PARVB: variants seen among roughly 807,000 people sequenced by gnomAD.
PARVB encodes the protein beta-parvin.
A neutral mutation model predicts 47.0 loss-of-function variants in PARVB; 46 were observed. The observed-to-expected ratio is 0.98, with a 90% confidence interval of 0.77 to 1.25. PARVB has a LOEUF of 1.25. Among genes scored for constraint, PARVB ranks in the 50% most tolerant of loss-of-function variants. PARVB has a pLI of 0.00. For missense variants in PARVB, 473 were observed against 471.6 expected (o/e 1.00, Z -0.03); for synonymous variants, 196 against 196.3 (o/e 1.00, Z 0.01).
At chr22:44,163,729 C>T (rs2054101388) in intron 11 of PARVB, 129 bp from the exon 12 acceptor site, 1 of 722,918 alleles carries the variant, frequency 1.4e-6, no homozygotes, top group Non-Finnish European at 2.2e-6. Flanking sequence ...GCCCCGGGCT[C>T]ACTGGGTCCT....
At chr22:44,000,034 A>C (rs1344450777) in intron 2 of PARVB, among the ~76,000 whole-genome samples, 1 of 151,990 alleles carries the variant, frequency 6.6e-6, no homozygotes, top group African/African-American at 2.4e-5. Flanking sequence ...GTGGACTAGC[A>C]GTGAGCCCAG....
At chr22:44,040,356 C>T (rs1296871940) in intron 1 of PARVB, among the ~76,000 whole-genome samples, 1 of 152,110 alleles carries the variant, frequency 6.6e-6, no homozygotes, top group Non-Finnish European at 1.5e-5. Context: ...TGTCTATATT[C>T]CAATACCTGG....
chr22:44,129,545 G>T (rs2053265065), intron 4 of PARVB, among the ~76,000 whole-genome samples: 1 of 152,172 alleles, frequency 6.6e-6, no homozygotes, highest in Non-Finnish European at 1.5e-5. Flanking sequence ...ACCCAGTTCT[G>T]TATGATCCTA....
At position 44,002,233 on chromosome 22, in the gene PARVB, G is replaced by A. The variant is rs576646160; in HGVS notation, c.211+2560G>A. 5.9e-5 allele frequency among the ~76,000 whole-genome samples: 9 copies of A among 152,322 alleles called. No individual in the cohort carries two copies. The South Asian group carries it at 6.2e-4, about 11-fold the overall frequency. Reference sequence around the variant, plus strand: ...GGAGTCTCAGGATCTCCAGGGGGCCGTGGACCACGCTTCGGGAACCACTGA... The same window carrying A: ...GGAGTCTCAGGATCTCCAGGGGGCCATGGACCACGCTTCGGGAACCACTGA... On this transcript the variant is annotated intron_variant, in intron 2 of 13. Coordinates refer to the PARVB transcript ENST00000406477.
intron 1 of PARVB, among the ~76,000 whole-genome samples, chr22:44,077,335 T>C (rs1200373756): frequency 6.6e-6 from 1 of 152,162 alleles, no homozygotes; most frequent in African/African-American, 2.4e-5. Context: ...TCCGTCTGTG[T>C]CTCTGTCCTC....
chr22:44,116,863 C>T (rs1184479189), intron 3 of PARVB, among the ~76,000 whole-genome samples: 2 of 152,066 alleles, frequency 1.3e-5, no homozygotes, highest in Non-Finnish European at 1.5e-5. Context: ...GGCCCCGTGG[C>T]GCAGATGAGC....
chr22:44,128,545 G>A (rs1393181954), intron 4 of PARVB, among the ~76,000 whole-genome samples: 2 of 152,242 alleles, frequency 1.3e-5, no homozygotes, highest in African/African-American at 2.4e-5. Context: ...CACAGGCATG[G>A]CCAGTCTCTT....
chr22:44,168,567 G>C, intron 12 of PARVB, 35 bp from the exon 13 acceptor site: 1 of 1,439,916 alleles, frequency 6.9e-7, no homozygotes, highest in Non-Finnish European at 9.8e-7. Flanking sequence ...CAGGAGGATG[G>C]CACGCCTCTG....
intron 1 of PARVB, among the ~76,000 whole-genome samples, chr22:44,057,474 G>C (rs35152136): frequency 0.048 from 7,337 of 152,202 alleles, 236 homozygotes; most frequent in Non-Finnish European, 0.078. Context: ...AGGAGAGCTG[G>C]GACGCTGTGT....
chr22:44,093,767 C>T (rs564478915), intron 1 of PARVB, among the ~76,000 whole-genome samples, 161 bp from the exon 2 acceptor site: 1 of 152,206 alleles, frequency 6.6e-6, no homozygotes, highest in Non-Finnish European at 1.5e-5. Flanking sequence ...TGGTTCAGAG[C>T]ATTTTTCCCT....
intron 3 of PARVB, chr22:44,104,016 T>G (rs8138511): frequency 6.6e-6 from 1 of 152,200 alleles, no homozygotes; most frequent in Non-Finnish European, 1.5e-5. Flanking sequence ...TTTGTTACAG[T>G]AGCCACAAGC....
At chr22:44,006,287 T>TA (rs76409096) in intron 2 of PARVB, among the ~76,000 whole-genome samples, 43,016 of 152,082 alleles carry the variant, frequency 0.28, 6,432 homozygotes, top group East Asian at 0.4. Flanking sequence ...CCTAGCATCT[T>TA]ACGCCACTCC....
At chr22:44,116,521 G>T (rs962142088) in intron 3 of PARVB, among the ~76,000 whole-genome samples, 1 of 152,212 alleles carries the variant, frequency 6.6e-6, no homozygotes, top group Non-Finnish European at 1.5e-5. Context: ...AGCCTGGTCC[G>T]CAGTGGTGCC....
At chr22:44,159,139 A>G (rs879834187) in intron 11 of PARVB, among the ~76,000 whole-genome samples, 1 of 152,068 alleles carries the variant, frequency 6.6e-6, no homozygotes, top group Non-Finnish European at 1.5e-5. Flanking sequence ...TCACCAGGAA[A>G]CTCACCAGGT....
chr22:44,118,195 T>A (rs183451479), intron 3 of PARVB, among the ~76,000 whole-genome samples: 1 of 152,086 alleles, frequency 6.6e-6, no homozygotes, highest in Non-Finnish European at 1.5e-5. Context: ...CAAAATGTGG[T>A]CCCCCATGAG....
At chr22:44,043,861 C>A (rs768987170) in intron 1 of PARVB, among the ~76,000 whole-genome samples, 8 of 152,084 alleles carry the variant, frequency 5.3e-5, no homozygotes, top group African/African-American at 1.9e-4. Context: ...CGGGTGGATC[C>A]GGGACAGACA....
At chr22:44,047,521 C>T (rs1003463308) in intron 1 of PARVB, among the ~76,000 whole-genome samples, 1 of 151,970 alleles carries the variant, frequency 6.6e-6, no homozygotes, top group Non-Finnish European at 1.5e-5. Flanking sequence ...ATTAGCCGGG[C>T]ATGGTGGCAT....
chr22:44,109,267 AC>A (rs1452117708), intron 3 of PARVB: 1 of 152,238 alleles, frequency 6.6e-6, no homozygotes, highest in Non-Finnish European at 1.5e-5. Context: ...TTAAAACATA[AC>A]TGTCATAGCT....
chr22:44,069,239 G>A, intron 1 of PARVB: 2 of 1,360,104 alleles, frequency 1.5e-6, no homozygotes, highest in Non-Finnish European at 2.1e-6. Flanking sequence ...TCTGCTTTAT[G>A]GCAGAATTTT....
Sources: gnomAD v4.1 joint callset for allele counts (sites outside exome capture counted in the v4.1 genomes callset) on GRCh38, gnomAD v4.1.1 for gene constraint, MANE v1.5 for transcripts, NCBI Gene and HGNC (gene_info 2026-07-23, HGNC 2026-07-21) for gene names.